Variants in TAOK1 observed in about 807,000 individuals in gnomAD.
TAOK1 encodes serine/threonine-protein kinase TAO1.
Under a neutral mutation model 138.3 loss-of-function variants are expected in TAOK1, and 21 were observed. That is an observed-to-expected ratio of 0.15 (90% CI 0.11 to 0.22). TAOK1 has a LOEUF of 0.22. TAOK1 is among the 10% of genes least tolerant of loss of function. The pLI is 1.00. For missense variants in TAOK1, 651 were observed against 1,227.7 expected (o/e 0.53, Z 7.02); for synonymous variants, 361 against 398.4 (o/e 0.91, Z 1.12).
At chr17:29,523,013 T>C (rs1254534880) in intron 17 of TAOK1, among the ~76,000 whole-genome samples, 1 of 149,690 alleles carries the variant, frequency 6.7e-6, no homozygotes. Flanking sequence ...AGGCAGAGGT[T>C]GCAGTGAGTC....
chr17:29,521,306 A>T (rs1324047420), intron 16 of TAOK1, among the ~76,000 whole-genome samples: 1 of 152,234 alleles, frequency 6.6e-6, no homozygotes, highest in Non-Finnish European at 1.5e-5. Flanking sequence ...ATATGAAACA[A>T]AATTTTAGAA....
chr17:29,408,416 G>A (rs183203742), intron 1 of TAOK1, among the ~76,000 whole-genome samples: 2 of 151,054 alleles, frequency 1.3e-5, no homozygotes, highest in African/African-American at 4.9e-5. Flanking sequence ...GGGTTTCGCC[G>A]TGTTGCCCAG....
chr17:29,466,230 G>A (rs754951187), intron 2 of TAOK1, among the ~76,000 whole-genome samples: 19 of 152,066 alleles, frequency 1.2e-4, no homozygotes, highest in African/African-American at 2.9e-4. Flanking sequence ...TGCAGTCTCC[G>A]ACTCCCAGTT....
chr17:29,448,833 G>C lies in TAOK1; in HGVS notation c.-94-2622G>C, dbSNP rs537402803. On this transcript the variant is annotated intron_variant, in intron 1 of 19. Coordinates refer to ENST00000261716, the MANE Select transcript of TAOK1 (RefSeq NM_020791.4). The stretch of plus-strand genomic sequence containing the variant: ...TAGATGGTAAGGGGTAGAAGCTGGA[G>C]AGATGATACAAAAATGAATGAGACA... 2.4e-3 allele frequency among the ~76,000 whole-genome samples: 372 copies of C among 152,244 alleles called. 3 individuals are homozygous for C. Among genetic ancestry groups the C allele is most frequent in the African/African-American group, 8.0e-3 (334 of 41,546 alleles).
Position 29,550,379 on chromosome 17 carries a change from T to C in TAOK1, c.*7357T>C. 6.6e-6 allele frequency: 1 copy of C among 152,230 alleles called. No homozygotes were observed. Among genetic ancestry groups the C allele is most frequent in the South Asian group, 2.1e-4 (1 of 4,834 alleles). 9.4% of individuals were successfully genotyped at this position (152,230 alleles called of 1,614,324 possible). ...TTAATTAACACTTGTGTTGCTAAAT[T>C]CTATTTATGTAAGTCTGCTAAAGTT... is the stretch of plus-strand genomic sequence containing the variant. On this transcript the variant is annotated 3_prime_UTR_variant, in exon 20 of 20. Coordinates refer to ENST00000261716, the MANE Select transcript of TAOK1 (RefSeq NM_020791.4).
At chr17:29,395,641 G>C (rs1904571425) in intron 1 of TAOK1, among the ~76,000 whole-genome samples, 2 of 117,544 alleles carry the variant, frequency 1.7e-5, no homozygotes, top group African/African-American at 7.5e-5. Context: ...CTTTAGGTAT[G>C]TGTACTTTTT....
chr17:29,443,915 G>C (rs1269022500), intron 1 of TAOK1, among the ~76,000 whole-genome samples: 1 of 151,948 alleles, frequency 6.6e-6, no homozygotes, highest in Admixed American at 6.6e-5. Flanking sequence ...AGGAGTTCGA[G>C]ACCAGCCTGC....
intron 6 of TAOK1, 109 bp downstream of exon 6, chr17:29,478,456 T>TATAAG (rs2030991876): frequency 4.6e-6 from 3 of 656,852 alleles, no homozygotes; most frequent in Non-Finnish European, 7.2e-6. Context: ...AATAAAATAA[T>TATAAG]ATAAGCTCAT....
chr17:29,455,463 G>A (rs1260466920), intron 2 of TAOK1, among the ~76,000 whole-genome samples: 2 of 150,318 alleles, frequency 1.3e-5, no homozygotes, highest in East Asian at 1.9e-4. Flanking sequence ...AATGGCTTTC[G>A]TTTTTCCTGT....
In TAOK1 at chr17:29,543,023, CTTAATAA is replaced by C; in HGVS notation, c.*4_*10del. On this transcript the variant is annotated 3_prime_UTR_variant, in exon 20 of 20. Coordinates refer to ENST00000261716, the MANE Select transcript of TAOK1 (RefSeq NM_020791.4). ...TGGGTCACACATGTCTTATACATAACTTAATAATTGAGAGTGGCAATTCCGCTGGAGC... is the reference window on the plus strand; with the variant it reads ...TGGGTCACACATGTCTTATACATAACTTGAGAGTGGCAATTCCGCTGGAGC... 1 of 1,562,878 alleles carries C rather than the reference CTTAATAA, an allele frequency of 6.4e-7. No homozygotes were observed. Among genetic ancestry groups the C allele is most frequent in the Non-Finnish European group, 8.7e-7 (1 of 1,149,378 alleles).
chr17:29,408,622 G>A (rs1005093441), intron 1 of TAOK1, among the ~76,000 whole-genome samples: 3 of 151,318 alleles, frequency 2.0e-5, no homozygotes, highest in African/African-American at 7.4e-5. Context: ...TAATAATAGA[G>A]TAATTTTTAC....
chr17:29,411,072 G>A (rs978589743), intron 1 of TAOK1, among the ~76,000 whole-genome samples: 1 of 146,104 alleles, frequency 6.8e-6, no homozygotes, highest in Non-Finnish European at 1.5e-5. Flanking sequence ...ACCTACAGAA[G>A]TACTTTCTTT....
intron 1 of TAOK1, among the ~76,000 whole-genome samples, 168 bp downstream of exon 1, chr17:29,391,192 C>T (rs573062292): frequency 2.6e-5 from 4 of 152,240 alleles, no homozygotes; most frequent in South Asian, 4.2e-4. Flanking sequence ...GCTGGGCGCC[C>T]TCCGGTTTTA....
At chr17:29,409,941 A>G (rs1905098849) in intron 1 of TAOK1, among the ~76,000 whole-genome samples, 1 of 152,124 alleles carries the variant, frequency 6.6e-6, no homozygotes, top group Non-Finnish European at 1.5e-5. Context: ...CATTGAATTT[A>G]TAGGATGGGG....
rs137937572 is a variant in TAOK1 at position 29,410,068 on chromosome 17, C to T, written c.-95+19044C>T. Among the ~76,000 whole-genome samples, 492 of 152,198 alleles carry T rather than the reference C, an allele frequency of 3.2e-3. 5 individuals are homozygous for T. Among genetic ancestry groups the T allele is most frequent in the African/African-American group, 0.011 (471 of 41,528 alleles). On this transcript the variant is annotated intron_variant, in intron 1 of 19. Transcript: ENST00000261716. ...GTTTGTTTTTGTTCTGTTATGTATTCACGGATATGTATGTGGTGTAAAGTG... is the reference window on the plus strand; with the variant it reads ...GTTTGTTTTTGTTCTGTTATGTATTTACGGATATGTATGTGGTGTAAAGTG...
At chr17:29,394,102 G>A (rs1172690722) in intron 1 of TAOK1, among the ~76,000 whole-genome samples, 1 of 146,254 alleles carries the variant, frequency 6.8e-6, no homozygotes, top group African/African-American at 2.5e-5. Context: ...TAGAAAGACT[G>A]GATGCTCATA....
At chr17:29,527,130 A>G (rs1229944386) in intron 17 of TAOK1, among the ~76,000 whole-genome samples, 1 of 151,628 alleles carries the variant, frequency 6.6e-6, no homozygotes, top group Admixed American at 6.6e-5. Flanking sequence ...TTCTCAGGGA[A>G]AAAAAAAGAG....
At position 29,449,582 on chromosome 17, in the gene TAOK1, T is replaced by G. The variant is rs148765796; in HGVS notation, c.-94-1873T>G. 2.7e-4 allele frequency among the ~76,000 whole-genome samples: 41 copies of G among 152,370 alleles called. No homozygotes were observed. In the East Asian group the frequency reaches 6.7e-3, roughly 25 times the overall value. The stretch of plus-strand genomic sequence containing the variant: ...CAGGCCAGGTGTGGTGGCTTATGCC[T>G]GTAATCCCAGCACTTTGGGAGGCTG... On this transcript the variant is annotated intron_variant, in intron 1 of 19. Transcript: ENST00000261716.
chr17:29,392,109 G>A (rs775686108), intron 1 of TAOK1, among the ~76,000 whole-genome samples: 2 of 152,068 alleles, frequency 1.3e-5, no homozygotes, highest in Non-Finnish European at 2.9e-5. Flanking sequence ...CCAGCTACTC[G>A]GGAGGCTGAG....
Sources: allele counts gnomAD v4.1 joint callset (sites outside exome capture counted in the v4.1 genomes callset), GRCh38; gene constraint gnomAD v4.1.1; transcripts MANE v1.5; gene names NCBI Gene and HGNC (gene_info 2026-07-23, HGNC 2026-07-21).